The following NCBP3 variants were observed in gnomAD, a reference collection of about 807,000 sequenced individuals.
NCBP3 encodes nuclear cap binding subunit 3.
A neutral mutation model predicts 75.7 loss-of-function variants in NCBP3; 20 were observed. The observed-to-expected ratio is 0.26, with a 90% CI of 0.19 to 0.38. The LOEUF is 0.38. Ranked by LOEUF, NCBP3 falls within the 10% of genes least tolerant of loss-of-function variation. NCBP3 has a pLI of 1.00. For missense variants in NCBP3, 678 were observed against 796.9 expected, an observed-to-expected ratio of 0.85 and a Z score of 1.80; for synonymous variants, 293 against 290.5, an observed-to-expected ratio of 1.01 and a Z score of -0.09.
At chr17:3,827,421 C>T (rs1189920133) in intron 4 of NCBP3, among the ~76,000 whole-genome samples, 1 of 152,160 alleles carries the variant, frequency 6.6e-6, no homozygotes, top group Non-Finnish European at 1.5e-5. Flanking sequence ...CATTGGAAAA[C>T]GTGGATGATG....
intron 3 of NCBP3, among the ~76,000 whole-genome samples, chr17:3,833,857 A>C (rs76970957): frequency 0.038 from 5,749 of 152,182 alleles, 196 homozygotes; most frequent in African/African-American, 0.096. Flanking sequence ...CAGATCAATA[A>C]GTCTCCCTAA....
At chr17:3,825,201 T>G (rs897605982) in intron 6 of NCBP3, among the ~76,000 whole-genome samples, 151 bp from the exon 7 acceptor site, 1 of 152,198 alleles carries the variant, frequency 6.6e-6, no homozygotes, top group African/African-American at 2.4e-5. Context: ...CTCAGAGATT[T>G]CCCCTGCCCA....
At chr17:3,826,280 T>C (rs2053782088) in intron 4 of NCBP3, 65 bp from the exon 5 acceptor site, 8 of 1,440,040 alleles carry the variant, frequency 5.6e-6, no homozygotes, top group Non-Finnish European at 6.5e-6. Flanking sequence ...GAGAGCAGAT[T>C]CTGCATCGCA....
At chr17:3,845,499 A>G (rs967880129) in intron 1 of NCBP3, among the ~76,000 whole-genome samples, 2 of 151,786 alleles carry the variant, frequency 1.3e-5, no homozygotes, top group Non-Finnish European at 2.9e-5. Context: ...GTGTCACTGG[A>G]GCTGCGGGGG....
intron 9 of NCBP3, among the ~76,000 whole-genome samples, chr17:3,819,527 T>C (rs1398129702): frequency 6.7e-6 from 1 of 149,086 alleles, no homozygotes; most frequent in Non-Finnish European, 1.5e-5. Flanking sequence ...GCCACTGCAC[T>C]CCAGCCTGGG....
rs2053433288 is a variant in NCBP3 at position 3,812,392 on chromosome 17, A to C, written c.*652T>G. ...GTTCCTAAAAATCCCACAGCACTGA[A>C]CTTGATCTTCACATCAAGCTGACAG... On this transcript the variant is annotated 3_prime_UTR_variant, in exon 13 of 13. Transcript: ENST00000389005. 2.0e-6 allele frequency: 1 copy of C among 503,546 alleles called. No individual in the cohort carries two copies. The highest frequency in any genetic ancestry group is 2.1e-5 in the African/African-American group (1 of 47,882). The allele number at this position is 503,546 out of a possible 1,614,324, so 31.2% of individuals were successfully genotyped here. A position where few individuals can be genotyped will look rare whatever the true frequency, so the allele number is the denominator to read the frequency against.
chr17:3,833,048 G>A (rs890888536), intron 3 of NCBP3, among the ~76,000 whole-genome samples: 8 of 152,010 alleles, frequency 5.3e-5, no homozygotes, highest in African/African-American at 2.4e-5. Flanking sequence ...CCAGGAGTTC[G>A]AGAGGCCAGC....
At position 3,802,973 on chromosome 17, in the gene NCBP3, A is replaced by G. The variant is rs1481725974; in HGVS notation, c.*10071T>C. The G allele has an allele frequency of 3.9e-5, 6 of 152,188 alleles. No individual in the cohort carries two copies. The highest frequency in any genetic ancestry group is 7.3e-5 in the Non-Finnish European group (5 of 68,052). 9.4% of individuals were successfully genotyped at this position (152,188 alleles called of 1,614,324 possible). A position where few individuals can be genotyped will look rare whatever the true frequency, so the allele number is the denominator to read the frequency against. ...CATCCATCCAGTATGTATTTATCCA[A>G]GCGTCAGTGCCTCTAGTCATGAGAC... On this transcript the variant is annotated 3_prime_UTR_variant, in exon 13 of 13. Transcript: ENST00000389005.
intron 1 of NCBP3, 103 bp downstream of exon 1, chr17:3,845,938 T>C (rs1268464032): frequency 6.3e-5 from 85 of 1,340,324 alleles, no homozygotes; most frequent in Non-Finnish European, 8.1e-5. Flanking sequence ...CCCGCTCCCT[T>C]GACTTCCCCG....
chr17:3,828,098 T>G (rs218716), intron 4 of NCBP3, among the ~76,000 whole-genome samples: 7,064 of 152,282 alleles, frequency 0.046, 581 homozygotes, highest in African/African-American at 0.16. Flanking sequence ...TTTGTATTTT[T>G]AGTAGAGACG....
chr17:3,844,492 C>T (rs1300546191), intron 1 of NCBP3, among the ~76,000 whole-genome samples: 1 of 152,118 alleles, frequency 6.6e-6, no homozygotes, highest in African/African-American at 2.4e-5. Context: ...ACATAAACTC[C>T]AGGAGGGAGG....
rs1211777808 is a variant in NCBP3 at position 3,814,933 on chromosome 17, C to G, written c.1466-450G>C. ...GATCAAATGTGTTTTTCCCTCAATCCCCCCAGAAATCGGCCTGTCCTCTTG... is the reference window on the plus strand; with the variant it reads ...GATCAAATGTGTTTTTCCCTCAATCGCCCCAGAAATCGGCCTGTCCTCTTG... On this transcript the variant is annotated intron_variant, in intron 11 of 12. Transcript: ENST00000389005. Among the ~76,000 whole-genome samples, 5 of 152,072 alleles carry G rather than the reference C, an allele frequency of 3.3e-5. No homozygotes were observed. In the South Asian group the frequency reaches 6.2e-4, roughly 19 times the overall value.
In NCBP3 at chr17:3,846,022, C is replaced by T. The variant is rs778096696; in HGVS notation, c.183+19G>A. 6.5e-7 allele frequency: 1 copy of T among 1,545,310 alleles called. No homozygotes were observed. The highest frequency in any genetic ancestry group is 2.0e-5 in the Admixed American group (1 of 50,672). On this transcript the variant is annotated intron_variant, in intron 1 of 12. Coordinates refer to ENST00000389005, the MANE Select transcript of NCBP3 (RefSeq NM_001114118.3). This position sits in a 1 kb window ranked among gnomAD's most constrained non-coding sequence, Gnocchi z 4.6. Reference sequence around the variant, plus strand: ...CTAGCCCCGCGACCTCTTCCTTACCCCCCGACCCCCGCCCGTACCGGGATC... The same window carrying T: ...CTAGCCCCGCGACCTCTTCCTTACCTCCCGACCCCCGCCCGTACCGGGATC...
chr17:3,827,464 T>G (rs2053808966), intron 4 of NCBP3, among the ~76,000 whole-genome samples: 1 of 152,252 alleles, frequency 6.6e-6, no homozygotes, highest in Non-Finnish European at 1.5e-5. Flanking sequence ...AATGGAGGCA[T>G]GACAGCCAGT....
chr17:3,839,742 C>T (rs947900515), intron 3 of NCBP3, among the ~76,000 whole-genome samples: 1 of 152,222 alleles, frequency 6.6e-6, no homozygotes, highest in African/African-American at 2.4e-5. Flanking sequence ...CACTGTGATA[C>T]ACTTTCACTA....
chr17:3,831,899 G>A (rs2053884718), intron 3 of NCBP3, among the ~76,000 whole-genome samples: 1 of 121,784 alleles, frequency 8.2e-6, no homozygotes, highest in African/African-American at 2.5e-5. Context: ...AAAAGCTTGA[G>A]GGGGCTGGGC....
At chr17:3,827,791 G>T (rs1433677441) in intron 4 of NCBP3, among the ~76,000 whole-genome samples, 3 of 152,152 alleles carry the variant, frequency 2.0e-5, no homozygotes, top group African/African-American at 4.8e-5. Context: ...TTAAATCAGG[G>T]TTAGTAAACT....
chr17:3,838,059 C>T (rs2054006120), intron 3 of NCBP3, among the ~76,000 whole-genome samples: 2 of 152,130 alleles, frequency 1.3e-5, no homozygotes, highest in Admixed American at 6.6e-5. Flanking sequence ...TTCCATTTTA[C>T]AGACAAGGAG....
In NCBP3 at chr17:3,814,422, G is replaced by C; in HGVS notation, c.1527C>G (p.Pro509=). ...CAGAAGAGGGCTCTCTCCGAACGAC[G>C]GGGTTACTACTAAAAGCCTTTTCCG... ...HSPEKAFSSN[P]VVRREPSSDV... The change falls in exon 12 of 13, where the codon CCC becomes CCG. Residue 509 remains proline, a synonymous_variant. Transcript: ENST00000389005. The C allele has an allele frequency of 6.2e-7, 1 of 1,614,176 alleles. No individual in the cohort carries two copies. The highest frequency in any genetic ancestry group is 2.2e-5 in the East Asian group (1 of 44,882).
Sources: gnomAD v4.1 joint callset for allele counts (sites outside exome capture counted in the v4.1 genomes callset) on GRCh38, gnomAD v4.1.1 for gene constraint, Gnocchi (gnomAD v3.1) non-coding constraint, MANE v1.5 for transcripts, NCBI Gene and HGNC (gene_info 2026-07-23, HGNC 2026-07-21) for gene names.